NAA20: variants seen among roughly 807,000 people sequenced by gnomAD.
NAA20 encodes the protein N-alpha-acetyltransferase 20, NatB catalytic subunit.
NAA20 carries 24 observed loss-of-function variants against 23.8 expected under a neutral mutation model. The ratio of observed to expected loss-of-function variants is 1.01; its 90% confidence interval spans 0.73 to 1.42. The LOEUF (loss-of-function observed/expected upper bound fraction) is 1.42. NAA20 is among the 40% of genes most tolerant of loss of function. The probability of loss-of-function intolerance (pLI) is 0.00; values close to 1 mark genes in which losing one functional copy is unlikely to be tolerated. For missense variants in NAA20, 166 were observed against 223.1 expected (o/e 0.74, Z 1.63); for synonymous variants, 83 against 77.7 (o/e 1.07, Z -0.36).
Position 20,026,857 on chromosome 20 carries a change from A to C in NAA20, c.243A>C (p.Pro81=), listed in dbSNP as rs750775185. Residue 81 remains proline (P), a synonymous_variant, in exon 4 of 6, where the codon CCA becomes CCC. Coordinates refer to ENST00000334982, the MANE Select transcript of NAA20 (RefSeq NM_016100.5). ...ACGTCACAGCTCTGTCTGTTGCCCC[A>C]GAATTTCGACGCCTTGGTTTGGCTG... ...HGHVTALSVA[P]EFRRLGLAAK... is the part of the protein sequence containing the mutation. 1.2e-6 allele frequency: 2 copies of C among 1,614,232 alleles called. No homozygotes were observed. The highest frequency in any genetic ancestry group is 1.7e-6 in the Non-Finnish European group (2 of 1,180,032).
Position 20,022,779 on chromosome 20 carries a change from A to C in NAA20, c.78+299A>C, listed in dbSNP as rs1200247205. 6 of 293,844 alleles carry C rather than the reference A, an allele frequency of 2.0e-5. No individual in the cohort carries two copies. The East Asian group carries it at 3.7e-4, about 18-fold the overall frequency. The allele number at this position is 293,844 out of a possible 1,614,324, so 18.2% of individuals were successfully genotyped here. On this transcript the variant is annotated intron_variant, in intron 2 of 5. Coordinates refer to ENST00000334982, the MANE Select transcript of NAA20 (RefSeq NM_016100.5). ...ATTCACCAGAAAGCACAGTGACTTC[A>C]GCAAGGTGGCTGCATAGTCTCCAGT...
chr20:20,021,044 G>T lies in NAA20; in HGVS notation c.54-1412G>T, dbSNP rs879902360. Among the ~76,000 whole-genome samples, 50 of 140,854 alleles carry T rather than the reference G, an allele frequency of 3.5e-4. 2 individuals carry two copies. In the East Asian group the frequency reaches 4.5e-3, roughly 13 times the overall value. The allele number at this position is 140,854 out of a possible 152,430, so 92.4% of individuals were successfully genotyped here. A position where few individuals can be genotyped will look rare whatever the true frequency, so the allele number is the denominator to read the frequency against. Reference sequence around the variant, plus strand: ...TGTGCGTGGGTTCGGTGGGCGGGGGGGGGGGGGGACTTTGGCAAAGACTTC... The same window carrying T: ...TGTGCGTGGGTTCGGTGGGCGGGGGTGGGGGGGGACTTTGGCAAAGACTTC... On this transcript the variant is annotated intron_variant, in intron 1 of 5. Coordinates refer to ENST00000334982, the MANE Select transcript of NAA20 (RefSeq NM_016100.5).
chr20:20,033,273 A>C lies in NAA20; in HGVS notation c.*86A>C, dbSNP rs949452016. 2 of 1,085,758 alleles carry C rather than the reference A, an allele frequency of 1.8e-6. No homozygotes were observed. The highest frequency in any genetic ancestry group is 2.7e-6 in the Non-Finnish European group (2 of 735,530). The allele number at this position is 1,085,758 out of a possible 1,614,324, so 67.3% of individuals were successfully genotyped here. On this transcript the variant is annotated 3_prime_UTR_variant, in exon 6 of 6. Transcript: ENST00000334982. ...TGGATGATTCTGGAGCTCTATTAGGAGAAAAGTAATCATTTTAGGTCTTAA... is the reference window on the plus strand; with the variant it reads ...TGGATGATTCTGGAGCTCTATTAGGCGAAAAGTAATCATTTTAGGTCTTAA...
At chr20:20,021,781 A>G (rs1041342475) in intron 1 of NAA20, among the ~76,000 whole-genome samples, 1 of 152,176 alleles carries the variant, frequency 6.6e-6, no homozygotes, top group South Asian at 2.1e-4. Context: ...GAACCTGACA[A>G]AATAGTGGCT....
At chr20:20,021,348 G>C (rs1336722086) in intron 1 of NAA20, among the ~76,000 whole-genome samples, 1 of 152,168 alleles carries the variant, frequency 6.6e-6, no homozygotes, top group African/African-American at 2.4e-5. Flanking sequence ...CTCACAAGTA[G>C]ACAGTGGAGC....
intron 4 of NAA20, among the ~76,000 whole-genome samples, chr20:20,029,814 A>G (rs1423003158): frequency 2.0e-5 from 3 of 152,132 alleles, no homozygotes; most frequent in Non-Finnish European, 4.4e-5. Flanking sequence ...AGAATCAGCA[A>G]TTTTCTTCTG....
chr20:20,022,024 A>G (rs547444005), intron 1 of NAA20, among the ~76,000 whole-genome samples: 1 of 152,270 alleles, frequency 6.6e-6, no homozygotes, highest in African/African-American at 2.4e-5. Context: ...GACCACATTT[A>G]GAGGGTGGAA....
chr20:20,028,392 C>A lies in NAA20; in HGVS notation c.305+1473C>A, dbSNP rs947821551. 2.6e-5 allele frequency among the ~76,000 whole-genome samples: 4 copies of A among 151,996 alleles called. No individual in the cohort carries two copies. The East Asian group carries it at 7.7e-4, about 29-fold the overall frequency. On this transcript the variant is annotated intron_variant, in intron 4 of 5. Coordinates refer to ENST00000334982, the MANE Select transcript of NAA20 (RefSeq NM_016100.5). ...TAGGATAAATACCTAATGTAGATGA[C>A]GAGTTGATGGGTGCAGCAAACCACC...
chr20:20,021,043 G>T (rs868609116), intron 1 of NAA20, among the ~76,000 whole-genome samples: 24 of 140,924 alleles, frequency 1.7e-4, no homozygotes, highest in South Asian at 9.9e-4. Flanking sequence ...GTGGGCGGGG[G>T]GGGGGGGGGA....
At chr20:20,020,484 G>T (rs1305276110) in intron 1 of NAA20, among the ~76,000 whole-genome samples, 1 of 152,180 alleles carries the variant, frequency 6.6e-6, no homozygotes, top group East Asian at 1.9e-4. Flanking sequence ...GGTACAGAGT[G>T]AGCATGGGAG....
intron 4 of NAA20, among the ~76,000 whole-genome samples, chr20:20,031,910 A>C (rs2043346288): frequency 1.3e-5 from 2 of 152,242 alleles, no homozygotes; most frequent in South Asian, 4.1e-4. Flanking sequence ...ACTTCTGTGC[A>C]AGAGTAAGTT....
At chr20:20,018,312 C>A (rs1046701002) in intron 1 of NAA20, 2 of 535,356 alleles carry the variant, frequency 3.7e-6, no homozygotes, top group Non-Finnish European at 6.7e-6. Flanking sequence ...CTGGATTCTG[C>A]AGTTAACATT....
chr20:20,025,629 G>C, intron 2 of NAA20, 48 bp from the exon 3 acceptor site: 1 of 1,397,260 alleles, frequency 7.2e-7, no homozygotes, highest in African/African-American at 1.4e-5. Flanking sequence ...CCTTAATGAA[G>C]AACTTTTTAC....
At position 20,025,666 on chromosome 20, in the gene NAA20, C is replaced by A. The variant is rs897175169; in HGVS notation, c.79-11C>A. On this transcript the variant is annotated splice_polypyrimidine_tract_variant and intron_variant, in intron 2 of 5. Coordinates refer to ENST00000334982, the MANE Select transcript of NAA20 (RefSeq NM_016100.5). ...GTCCATTACTTTTCACACTCCTTAA[C>A]AGGACTCTAGTATGGGATTCCTTTC... The A allele has an allele frequency of 6.3e-7, 1 of 1,593,524 alleles. No individual in the cohort carries two copies. The highest frequency in any genetic ancestry group is 1.7e-5 in the Admixed American group (1 of 59,962).
intron 4 of NAA20, 61 bp downstream of exon 4, chr20:20,026,980 C>T (rs1299809319): frequency 3.1e-6 from 5 of 1,601,500 alleles, no homozygotes; most frequent in Non-Finnish European, 4.3e-6. Context: ...TTTTCTTCCC[C>T]TTCAGGCTGA....
Position 20,033,113 on chromosome 20 carries a change from G to A in NAA20, c.463G>A (p.Ala155Thr), listed in dbSNP as rs1235730120. Residue 155 changes from alanine to threonine, a missense_variant, in exon 6 of 6, where the codon GCA becomes ACA. Ala to Thr is a moderately conservative substitution (Grantham distance 58). Transcript: ENST00000334982. ...PDEDAYDMRK[A>T]LSRDTEKKSI... is the part of the protein sequence containing the mutation. The stretch of plus-strand genomic sequence containing the variant: ...TTGCTTCTTTACAGATATGAGGAAA[G>A]CACTTTCCAGGGATACTGAGAAGAA... 1 of 1,612,646 alleles carries A rather than the reference G, an allele frequency of 6.2e-7. No homozygotes were observed. Among genetic ancestry groups the A allele is most frequent in the Non-Finnish European group, 8.5e-7 (1 of 1,178,856 alleles).
chr20:20,030,754 A>G (rs2043338339), intron 4 of NAA20, among the ~76,000 whole-genome samples: 1 of 152,124 alleles, frequency 6.6e-6, no homozygotes, highest in Non-Finnish European at 1.5e-5. Flanking sequence ...ATATGATTAT[A>G]CAAATATAAA....
intron 4 of NAA20, among the ~76,000 whole-genome samples, chr20:20,030,767 C>A (rs2043338497): frequency 6.6e-6 from 1 of 151,554 alleles, no homozygotes; most frequent in Non-Finnish European, 1.5e-5. Context: ...AATATAAAAT[C>A]CACAAGAATC....
At chr20:20,017,537 G>T in intron 1 of NAA20, 88 bp downstream of exon 1, 1 of 1,505,950 alleles carries the variant, frequency 6.6e-7, no homozygotes. Context: ...CGCCTTCCCG[G>T]CCGGACCCCA....
Sources: gnomAD v4.1 joint callset for allele counts (sites outside exome capture counted in the v4.1 genomes callset) on GRCh38, gnomAD v4.1.1 for gene constraint, MANE v1.5 for transcripts, NCBI Gene and HGNC (gene_info 2026-07-23, HGNC 2026-07-21) for gene names.